KMO: variants seen among roughly 807,000 people sequenced by gnomAD.
The protein encoded by KMO is kynurenine 3-monooxygenase, also known as kynurenine 3-hydroxylase.
KMO carries 24 observed loss-of-function variants against 57.8 expected under a neutral mutation model. The ratio of observed to expected loss-of-function variants is 0.42; its 90% CI spans 0.30 to 0.58. KMO has a LOEUF of 0.58. Ranked by LOEUF, KMO falls within the 20% of genes least tolerant of loss-of-function variation. The pLI, the probability that KMO is intolerant of heterozygous loss-of-function variation, is 0.22. For synonymous variants in KMO, 210 were observed against 193.6 expected (o/e 1.08, Z -0.70); for missense variants, 483 against 588.2 (o/e 0.82, Z 1.85).
chr1:241,579,083 G>A (rs1662652560), intron 10 of KMO, among the ~76,000 whole-genome samples: 3 of 152,200 alleles, frequency 2.0e-5, no homozygotes, highest in East Asian at 1.9e-4. Flanking sequence ...TGAGATTTGG[G>A]TGGGGACACA....
At chr1:241,582,499 G>A (rs1187729167) in intron 10 of KMO, among the ~76,000 whole-genome samples, 1 of 151,764 alleles carries the variant, frequency 6.6e-6, no homozygotes, top group Non-Finnish European at 1.5e-5. Context: ...TTTTTATATA[G>A]CCTGTCTTCC....
At chr1:241,558,215 G>A (rs1661710313) in intron 5 of KMO, among the ~76,000 whole-genome samples, 1 of 152,118 alleles carries the variant, frequency 6.6e-6, no homozygotes, top group Non-Finnish European at 1.5e-5. Context: ...TTAAAACATG[G>A]GAAAGGTACA....
At chr1:241,553,456 G>A (rs2147952611) in intron 4 of KMO, among the ~76,000 whole-genome samples, 1 of 152,336 alleles carries the variant, frequency 6.6e-6, no homozygotes, top group East Asian at 1.9e-4. Flanking sequence ...GGAGGCCAAG[G>A]TAGGTGGATT....
Position 241,590,241 on chromosome 1 carries a change from A to G in KMO, c.1238A>G (p.Gln413Arg), listed in dbSNP as rs1355049145. 29 of 1,613,782 alleles carry G rather than the reference A, an allele frequency of 1.8e-5. No homozygotes were observed. Among genetic ancestry groups the G allele is most frequent in the Non-Finnish European group, 2.3e-5 (27 of 1,179,850 alleles). ...AGAATAAGATACCATGAGGCTGTGC[A>G]GCGTTGGCATTGGCAAAAAAAGGTT... is the stretch of plus-strand genomic sequence containing the variant. Reference protein sequence around the residue: ...FSRIRYHEAVQRWHWQKKVIN... With the variant: ...FSRIRYHEAVRRWHWQKKVIN... The change falls in exon 14 of 15, where the codon CAG (glutamine) becomes CGG (arginine). Residue 413 changes from glutamine to arginine, a missense_variant. By Grantham distance (43) the Gln-to-Arg change is conservative. Coordinates refer to ENST00000366559, the MANE Select transcript of KMO (RefSeq NM_003679.5).
chr1:241,537,749 A>C (rs1290305877), intron 1 of KMO, among the ~76,000 whole-genome samples: 1 of 152,166 alleles, frequency 6.6e-6, no homozygotes, highest in African/African-American at 2.4e-5. Context: ...GACGGCATGC[A>C]GGGGAACTCT....
intron 1 of KMO, among the ~76,000 whole-genome samples, chr1:241,538,602 G>A (rs1236952522): frequency 6.6e-6 from 1 of 152,194 alleles, no homozygotes; most frequent in African/African-American, 2.4e-5. Context: ...AGGCTGTTTG[G>A]TGGGCCTCAC....
intron 10 of KMO, among the ~76,000 whole-genome samples, chr1:241,584,790 A>G (rs1433423048): frequency 1.3e-5 from 2 of 152,252 alleles, no homozygotes; most frequent in Non-Finnish European, 2.9e-5. Flanking sequence ...TTATAAAAAC[A>G]TAAGACATTA....
At chr1:241,577,434 A>G (rs1179232376) in intron 10 of KMO, among the ~76,000 whole-genome samples, 2 of 151,966 alleles carry the variant, frequency 1.3e-5, no homozygotes, top group African/African-American at 4.8e-5. Context: ...TACCCTGTTA[A>G]GGATGTGATT....
chr1:241,563,658 TA>T (rs1661965941), intron 7 of KMO, among the ~76,000 whole-genome samples: 1 of 152,206 alleles, frequency 6.6e-6, no homozygotes, highest in Admixed American at 6.5e-5. Context: ...CTGTGCTTGC[TA>T]AAGTAGATTT....
chr1:241,553,921 T>G (rs1486427742), intron 4 of KMO, among the ~76,000 whole-genome samples: 2 of 152,200 alleles, frequency 1.3e-5, no homozygotes, highest in Non-Finnish European at 2.9e-5. Context: ...TAGCTGCCAA[T>G]GTATACTTCT....
intron 14 of KMO, among the ~76,000 whole-genome samples, 165 bp from the exon 15 acceptor site, chr1:241,591,788 A>G (rs1663311775): frequency 6.6e-6 from 1 of 152,192 alleles, no homozygotes; most frequent in Admixed American, 6.5e-5. Flanking sequence ...CCTTGACTTT[A>G]TCTTGATCTT....
chr1:241,549,274 G>GGA (rs1558415020), intron 2 of KMO, among the ~76,000 whole-genome samples: 4 of 44,310 alleles, frequency 9.0e-5, no homozygotes, highest in African/African-American at 1.5e-4. Flanking sequence ...AGAAAGGAAG[G>GGA]AAGAAAGAAA....
At chr1:241,548,209 T>C (rs1661225040) in intron 1 of KMO, among the ~76,000 whole-genome samples, 1 of 152,006 alleles carries the variant, frequency 6.6e-6, no homozygotes, top group South Asian at 2.1e-4. Flanking sequence ...GGTGGGAGAA[T>C]CACTTGAGCC....
At chr1:241,539,235 T>A (rs1660864106) in intron 1 of KMO, among the ~76,000 whole-genome samples, 1 of 151,954 alleles carries the variant, frequency 6.6e-6, no homozygotes, top group African/African-American at 2.4e-5. Context: ...CACAAAAAAA[T>A]TAGCCAGGCA....
At position 241,590,066 on chromosome 1, in the gene KMO, T is replaced by C. The variant is rs773867063; in HGVS notation, c.1153T>C (p.Phe385Leu). Reference protein sequence around the residue: ...WFIFQKNMERFLHAIMPSTFI... With the variant: ...WFIFQKNMERLLHAIMPSTFI... Reference sequence around the variant, plus strand: ...CATTTTTCAGAAGAACATGGAGAGATTTCTTCATGCGATTATGCCATCGAC... The same window carrying C: ...CATTTTTCAGAAGAACATGGAGAGACTTCTTCATGCGATTATGCCATCGAC... The change falls in exon 13 of 15, where the codon TTT (phenylalanine) becomes CTT (leucine). Residue 385 changes from phenylalanine (F) to leucine (L), a missense_variant. Phe to Leu is a conservative substitution (Grantham distance 22). Transcript: ENST00000366559. 1 of 1,613,892 alleles carries C rather than the reference T, an allele frequency of 6.2e-7. No individual in the cohort carries two copies. Among genetic ancestry groups the C allele is most frequent in the African/African-American group, 1.3e-5 (1 of 74,928 alleles).
At chr1:241,542,221 G>C (rs1156706160) in intron 1 of KMO, among the ~76,000 whole-genome samples, 1 of 152,142 alleles carries the variant, frequency 6.6e-6, no homozygotes, top group Non-Finnish European at 1.5e-5. Flanking sequence ...TGCTGTTAGA[G>C]GGGTCACATG....
rs147007550 is a variant in KMO at position 241,594,444 on chromosome 1, T to G, written c.*2291T>G. 2.5e-6 allele frequency: 4 copies of G among 1,613,102 alleles called. No individual in the cohort carries two copies. Among genetic ancestry groups the G allele is most frequent in the Non-Finnish European group, 2.5e-6 (3 of 1,179,140 alleles). ...TCTTCATTCCTACAAAGGACGAACTTGGATTACATCAACTTTGGACCCATT... is the reference window on the plus strand; with the variant it reads ...TCTTCATTCCTACAAAGGACGAACTGGGATTACATCAACTTTGGACCCATT... On this transcript the variant is annotated 3_prime_UTR_variant, in exon 15 of 15. Transcript: ENST00000366559.
chr1:241,588,897 T>C lies in KMO; in HGVS notation c.1098+67T>C, dbSNP rs936242760. On this transcript the variant is annotated intron_variant, in intron 12 of 14. Transcript: ENST00000366559. ...TGATATTCTAACAAGTGTTCTTTTC[T>C]TTTTCTTTGCTTCAGCCCCCATCTC... 6.6e-6 allele frequency: 8 copies of C among 1,220,984 alleles called. No individual in the cohort carries two copies. In the African/African-American group the frequency reaches 1.2e-4, roughly 18 times the overall value. The allele number at this position is 1,220,984 out of a possible 1,614,324, so 75.6% of individuals were successfully genotyped here.
At chr1:241,579,786 C>A (rs943786696) in intron 10 of KMO, among the ~76,000 whole-genome samples, 4 of 152,148 alleles carry the variant, frequency 2.6e-5, no homozygotes, top group African/African-American at 9.6e-5. Context: ...CCAGTTCTGG[C>A]CAAGAGAGTT....
Sources: allele counts gnomAD v4.1 joint callset (sites outside exome capture counted in the v4.1 genomes callset), GRCh38; gene constraint gnomAD v4.1.1; transcripts MANE v1.5; gene names NCBI Gene and HGNC (gene_info 2026-07-23, HGNC 2026-07-21).